MPDZ: variants seen among roughly 807,000 people sequenced by gnomAD.
MPDZ encodes multiple PDZ domain protein.
In MPDZ, 234 loss-of-function variants were observed where a neutral mutation model predicts 239.1. The ratio of observed to expected loss-of-function variants is 0.98; its 90% CI spans 0.88 to 1.09. MPDZ has a LOEUF of 1.09. Ranked by LOEUF, MPDZ falls within the 50% of genes least tolerant of loss-of-function variation. MPDZ has a pLI of 0.00. For missense variants in MPDZ, 3,175 were observed against 2,510.0 expected, an observed-to-expected ratio of 1.26 and a Z score of -5.66; for synonymous variants, 1,048 against 881.3, an observed-to-expected ratio of 1.19 and a Z score of -3.35.
At chr9:13,109,165 G>A (rs1361250698) in intron 45 of MPDZ, 106 bp from the exon 46 acceptor site, 1 of 941,818 alleles carries the variant, frequency 1.1e-6, no homozygotes, top group African/African-American at 1.7e-5. Context: ...AATTCTCTTT[G>A]TTACTGACAA....
At chr9:13,225,952 T>C (rs1960434755) in intron 3 of MPDZ, among the ~76,000 whole-genome samples, 1 of 152,034 alleles carries the variant, frequency 6.6e-6, no homozygotes, top group African/African-American at 2.4e-5. Context: ...CTACCATAGA[T>C]CATAACCATG....
In MPDZ at chr9:13,223,705, G is replaced by T; in HGVS notation, c.399C>A (p.Arg133=). ...TGAGGAGCTCAAAAACTTCTACATG[G>T]CGACCCTGTTTAGGAAACAAAGCAA... is the stretch of plus-strand genomic sequence containing the variant. ...DQLIKNMAQG[R]HVEVFELLKP... is the part of the protein sequence containing the mutation. The change falls in exon 5 of 47, where the codon CGC becomes CGA. Residue 133 remains arginine (R), a synonymous_variant. Transcript: ENST00000319217. 1 of 1,600,016 alleles carries T rather than the reference G, an allele frequency of 6.2e-7. No homozygotes were observed. Among genetic ancestry groups the T allele is most frequent in the Non-Finnish European group, 8.5e-7 (1 of 1,172,772 alleles).
intron 1 of MPDZ, among the ~76,000 whole-genome samples, chr9:13,250,642 A>T (rs1040272744): frequency 6.6e-6 from 1 of 152,204 alleles, no homozygotes; most frequent in Non-Finnish European, 1.5e-5. Flanking sequence ...TTTCAAACAT[A>T]TTTCCATAAA....
Position 13,247,764 on chromosome 9 carries a change from T to C in MPDZ, c.54A>G (p.Gln18=). 1 of 1,612,722 alleles carries C rather than the reference T, an allele frequency of 6.2e-7. No individual in the cohort carries two copies. Among genetic ancestry groups the C allele is most frequent in the Non-Finnish European group, 8.5e-7 (1 of 1,178,878 alleles). Residue 18 remains glutamine (Q), a synonymous_variant, in exon 3 of 47, where the codon CAA becomes CAG. Coordinates refer to ENST00000319217, the MANE Select transcript of MPDZ (RefSeq NM_001378778.1). ...NRALHAAERL[Q]TKLRERGDVA... is the part of the protein sequence containing the mutation. ...CATCCCCACGTTCTCGCAGCTTGGT[T>C]TGCAAGCGCTCTGCTGCATGCAGGG...
chr9:13,224,250 A>T (rs1469814894), intron 4 of MPDZ, 124 bp downstream of exon 4: 2 of 889,888 alleles, frequency 2.2e-6, no homozygotes, highest in Admixed American at 2.9e-5. Flanking sequence ...CACAAAACTG[A>T]CTTTTTGTTC....
intron 10 of MPDZ, among the ~76,000 whole-genome samples, chr9:13,206,703 C>T (rs1311659156): frequency 6.6e-6 from 1 of 152,090 alleles, no homozygotes; most frequent in Non-Finnish European, 1.5e-5. Flanking sequence ...GCCACCATGC[C>T]CAGCTAATTT....
In MPDZ at chr9:13,188,859, ACTG is replaced by A. The variant is rs773758189; in HGVS notation, c.2286_2288del (p.Ser763del). On this transcript the variant is annotated inframe_deletion, in exon 17 of 47. Coordinates refer to ENST00000319217, the MANE Select transcript of MPDZ (RefSeq NM_001378778.1). ...TCAGTGCTTCTACAGCTTCCTCAAG[ACTG>A]CTGTTTTCCAAGTTAACATCGTTTA... The A allele has an allele frequency of 2.5e-6, 4 of 1,613,562 alleles. No homozygotes were observed. The highest frequency in any genetic ancestry group is 3.4e-6 in the Non-Finnish European group (4 of 1,179,606).
At chr9:13,249,160 C>A (rs1443473177) in intron 2 of MPDZ, among the ~76,000 whole-genome samples, 1 of 150,722 alleles carries the variant, frequency 6.6e-6, no homozygotes, top group Non-Finnish European at 1.5e-5. Context: ...ACAATATTTA[C>A]TCATATGCAG....
In MPDZ at chr9:13,114,037, A is replaced by T. The variant is rs766646988; in HGVS notation, c.5467-16T>A. On this transcript the variant is annotated splice_polypyrimidine_tract_variant and intron_variant, in intron 40 of 46. Coordinates refer to ENST00000319217, the MANE Select transcript of MPDZ (RefSeq NM_001378778.1). ...CTTCACTCACCTACAAATATACAAC[A>T]ATTATTTCAGAAGGTTTTGCAAGTA... 67 of 1,566,984 alleles carry T rather than the reference A, an allele frequency of 4.3e-5. No individual in the cohort carries two copies. Among genetic ancestry groups the T allele is most frequent in the Non-Finnish European group, 5.6e-5 (64 of 1,152,328 alleles).
rs1376599825 is a variant in MPDZ at position 13,190,188 on chromosome 9, A to G, written c.2080T>C (p.Trp694Arg). 1 of 1,613,256 alleles carries G rather than the reference A, an allele frequency of 6.2e-7. No homozygotes were observed. Among genetic ancestry groups the G allele is most frequent in the Non-Finnish European group, 8.5e-7 (1 of 1,179,552 alleles). Residue 694 changes from tryptophan (W) to arginine (R), a missense_variant, in exon 16 of 47, where the codon TGG (tryptophan) becomes CGG (arginine). By Grantham distance (101) the Trp-to-Arg change is moderately radical. Coordinates refer to ENST00000319217, the MANE Select transcript of MPDZ (RefSeq NM_001378778.1). ...TEEVQAPLAM[W>R]EAGIQHIELE... ...TCTATGTGCTGAATGCCAGCCTCCC[A>G]CATGGCCAAAGGTGCTTGAACCTCT... is the stretch of plus-strand genomic sequence containing the variant.
At chr9:13,236,940 T>C (rs1354461106) in intron 3 of MPDZ, among the ~76,000 whole-genome samples, 1 of 152,030 alleles carries the variant, frequency 6.6e-6, no homozygotes, top group Non-Finnish European at 1.5e-5. Context: ...TTTTTAATAG[T>C]ATCTTTATTT....
chr9:13,252,017 T>A (rs1968174847), intron 1 of MPDZ, among the ~76,000 whole-genome samples: 1 of 152,152 alleles, frequency 6.6e-6, no homozygotes, highest in Non-Finnish European at 1.5e-5. Context: ...AGATAAAGTA[T>A]GCCAATTTCC....
At chr9:13,125,424 T>A (rs771687214) in intron 34 of MPDZ, 34 bp from the exon 35 acceptor site, 1 of 1,586,778 alleles carries the variant, frequency 6.3e-7, no homozygotes, top group Non-Finnish European at 8.6e-7. Flanking sequence ...AGAAACAAAA[T>A]TCAAAGCTGA....
chr9:13,254,203 G>A (rs1006489544), intron 1 of MPDZ, among the ~76,000 whole-genome samples: 2 of 152,176 alleles, frequency 1.3e-5, no homozygotes, highest in African/African-American at 4.8e-5. Context: ...TTAGCCAACT[G>A]TTCAGACAAG....
chr9:13,201,305 T>C (rs777449276), intron 12 of MPDZ, among the ~76,000 whole-genome samples: 5 of 152,102 alleles, frequency 3.3e-5, no homozygotes, highest in East Asian at 1.9e-4. Flanking sequence ...TATAGCAATA[T>C]TGGGGCTTCT....
chr9:13,121,570 A>G (rs979509304), intron 38 of MPDZ, among the ~76,000 whole-genome samples, 169 bp downstream of exon 38: 1 of 152,192 alleles, frequency 6.6e-6, no homozygotes, highest in Non-Finnish European at 1.5e-5. Flanking sequence ...TCTGATTTTA[A>G]AAGTCCAAAA....
chr9:13,110,565 G>T, intron 44 of MPDZ, 71 bp downstream of exon 44: 1 of 1,008,268 alleles, frequency 9.9e-7, no homozygotes, highest in Non-Finnish European at 1.5e-6. Context: ...CATTTTTACT[G>T]CTTTAACATC....
chr9:13,273,819 T>A (rs529833392), intron 1 of MPDZ, among the ~76,000 whole-genome samples: 9 of 152,352 alleles, frequency 5.9e-5, no homozygotes, highest in African/African-American at 7.2e-5. Context: ...CAAAATTTTT[T>A]AAAATACGTT....
At chr9:13,168,326 T>C (rs760359429) in intron 22 of MPDZ, 40 bp downstream of exon 22, 2 of 1,561,956 alleles carry the variant, frequency 1.3e-6, no homozygotes, top group South Asian at 2.3e-5. Context: ...TTGAAATTCC[T>C]GAATTTCCCA....
Sources: allele counts gnomAD v4.1 joint callset (sites outside exome capture counted in the v4.1 genomes callset), GRCh38; gene constraint gnomAD v4.1.1; transcripts MANE v1.5; gene names NCBI Gene and HGNC (gene_info 2026-07-23, HGNC 2026-07-21).